Variants in LRBA observed in about 807,000 individuals in gnomAD.
LRBA encodes the protein lipopolysaccharide-responsive and beige-like anchor protein.
Under a neutral mutation model 330.0 loss-of-function variants are expected in LRBA, and 176 were observed. The ratio of observed to expected loss-of-function variants is 0.53; its 90% CI spans 0.47 to 0.60. The LOEUF (loss-of-function observed/expected upper bound fraction) is 0.60, where lower values mean the gene tolerates loss of function less well. LRBA is among the 20% of genes least tolerant of loss of function. The probability of loss-of-function intolerance (pLI) is 0.00; values close to 1 mark genes in which losing one functional copy is unlikely to be tolerated. For synonymous variants in LRBA, 1,230 were observed against 1,193.0 expected, an observed-to-expected ratio of 1.03 and a Z score of -0.64; for missense variants, 3,259 against 3,444.8, an observed-to-expected ratio of 0.95 and a Z score of 1.35.
intron 2 of LRBA, among the ~76,000 whole-genome samples, chr4:150,937,827 T>C (rs547763131): frequency 6.6e-6 from 1 of 152,146 alleles, no homozygotes; most frequent in East Asian, 1.9e-4. Context: ...TTCTCAATAG[T>C]GATACTAATA....
chr4:150,405,665 A>T (rs771426898), intron 47 of LRBA, among the ~76,000 whole-genome samples: 74 of 152,032 alleles, frequency 4.9e-4, no homozygotes, highest in Non-Finnish European at 8.2e-4. Flanking sequence ...TATAAATAAT[A>T]GCACAAATTA....
intron 47 of LRBA, among the ~76,000 whole-genome samples, chr4:150,362,503 A>G (rs1287267886): frequency 6.6e-6 from 1 of 152,132 alleles, no homozygotes; most frequent in Non-Finnish European, 1.5e-5. Context: ...AAAGCAGTGG[A>G]TCTCCAACTT....
In LRBA at chr4:150,960,030, G is replaced by A. The variant is rs1232027318; in HGVS notation, c.217-30965C>T. 5.2e-4 allele frequency among the ~76,000 whole-genome samples: 77 copies of A among 147,614 alleles called. 5 individuals are homozygous for A. The highest frequency in any genetic ancestry group is 7.4e-4 in the African/African-American group (28 of 37,736). On this transcript the variant is annotated intron_variant, in intron 2 of 56. Transcript: ENST00000651943. ...AGCCTCCCAACTAGCTGGGGCTACC[G>A]GTGTGTACCACCATGCCTGGCTTAT... is the stretch of plus-strand genomic sequence containing the variant.
intron 2 of LRBA, among the ~76,000 whole-genome samples, chr4:151,010,797 T>C (rs747113858): frequency 1.3e-5 from 2 of 151,414 alleles, no homozygotes; most frequent in Admixed American, 6.6e-5. Flanking sequence ...GGCACAAGAA[T>C]TGCTTGAATC....
At chr4:150,730,347 C>T (rs1459862333) in intron 36 of LRBA, among the ~76,000 whole-genome samples, 1 of 152,056 alleles carries the variant, frequency 6.6e-6, no homozygotes, top group Non-Finnish European at 1.5e-5. Context: ...TTTGAATAGA[C>T]GTTTCTCAAC....
chr4:150,777,395 T>C (rs1471584108), intron 34 of LRBA, among the ~76,000 whole-genome samples: 1 of 151,754 alleles, frequency 6.6e-6, no homozygotes, highest in African/African-American at 2.4e-5. Context: ...AAAAAAAAAA[T>C]TTTAAACCTG....
At chr4:150,829,664 GGGACACAA>G (rs1309321581) in intron 29 of LRBA, among the ~76,000 whole-genome samples, 1 of 152,122 alleles carries the variant, frequency 6.6e-6, no homozygotes, top group Non-Finnish European at 1.5e-5. Context: ...TTAAGTTGGA[GGGACACAA>G]GGTTCAGTCC....
At chr4:150,646,983 A>G (rs1779204196) in intron 37 of LRBA, among the ~76,000 whole-genome samples, 1 of 152,152 alleles carries the variant, frequency 6.6e-6, no homozygotes, top group African/African-American at 2.4e-5. Context: ...GTGTTTATAT[A>G]AAGCATAGAC....
intron 36 of LRBA, among the ~76,000 whole-genome samples, chr4:150,690,584 T>C (rs551786403): frequency 5.8e-4 from 87 of 148,982 alleles, no homozygotes; most frequent in Non-Finnish European, 1.1e-3. Context: ...CACCATATTA[T>C]AAAACTAGAA....
chr4:150,476,004 T>TTCATGTCATCA (rs1330973213), intron 42 of LRBA, among the ~76,000 whole-genome samples: 6 of 152,166 alleles, frequency 3.9e-5, no homozygotes, highest in African/African-American at 1.4e-4. Context: ...TGTGTCATCT[T>TTCATGTCATCA]TCATGGTTAG....
rs1389787305 is a variant in LRBA, at chr4:150,585,222, TTATAGCAA to T, written c.6330+2818_6330+2825del. On this transcript the variant is annotated intron_variant, in intron 40 of 56. Coordinates refer to ENST00000651943, the MANE Select transcript of LRBA (RefSeq NM_001364905.1). ...TAAACCACAACAAAAAATACAATGGTTATAGCAATAATCCTCTCCCCAAGCATATGGTG... is the reference window on the plus strand; with the variant it reads ...TAAACCACAACAAAAAATACAATGGTTAATCCTCTCCCCAAGCATATGGTG... Among the ~76,000 whole-genome samples the T allele has an allele frequency of 3.9e-5, 6 of 152,250 alleles. No individual in the cohort carries two copies. In the East Asian group the frequency reaches 1.2e-3, roughly 29 times the overall value.
intron 48 of LRBA, among the ~76,000 whole-genome samples, chr4:150,338,599 G>T (rs1261016370): frequency 6.6e-6 from 1 of 152,062 alleles, no homozygotes; most frequent in Non-Finnish European, 1.5e-5. Flanking sequence ...TGCTGTGTTT[G>T]TACTTTTCCT....
At position 150,834,589 on chromosome 4, in the gene LRBA, G is replaced by T. The variant is rs564915722; in HGVS notation, c.4570-2613C>A. 2.3e-4 allele frequency among the ~76,000 whole-genome samples: 35 copies of T among 152,230 alleles called. 1 individual carries two copies. The highest frequency in any genetic ancestry group is 2.1e-3 in the Admixed American group (32 of 15,284). ...AGTAAGCCATGTCGTAAGCAGATGC[G>T]CTCTTATCTAGGCTTTGTCCTTCCT... is the stretch of plus-strand genomic sequence containing the variant. On this transcript the variant is annotated intron_variant, in intron 28 of 56. Coordinates refer to ENST00000651943, the MANE Select transcript of LRBA (RefSeq NM_001364905.1).
chr4:150,769,725 G>A (rs1313045657), intron 34 of LRBA, among the ~76,000 whole-genome samples: 1 of 152,082 alleles, frequency 6.6e-6, no homozygotes, highest in African/African-American at 2.4e-5. Flanking sequence ...AATAACATTT[G>A]ACCAAATATC....
intron 32 of LRBA, among the ~76,000 whole-genome samples, chr4:150,808,075 T>C (rs1272973503): frequency 6.6e-6 from 1 of 152,200 alleles, no homozygotes; most frequent in Non-Finnish European, 1.5e-5. Context: ...TTACCACAAA[T>C]AGTCACTTCT....
chr4:150,275,132 AATCAATAAAAGTAATCC>A (rs1746593750), intron 56 of LRBA, among the ~76,000 whole-genome samples: 1 of 152,208 alleles, frequency 6.6e-6, no homozygotes, highest in Non-Finnish European at 1.5e-5. Context: ...AACATACACA[AATCAATAAAAGTAATCC>A]ATCACATAAA....
intron 37 of LRBA, among the ~76,000 whole-genome samples, chr4:150,621,361 G>A (rs1425873657): frequency 6.6e-6 from 1 of 152,004 alleles, no homozygotes; most frequent in Non-Finnish European, 1.5e-5. Context: ...ACAAATGTTT[G>A]TATATTGTAA....
At chr4:150,627,529 C>G (rs1776977686) in intron 37 of LRBA, among the ~76,000 whole-genome samples, 1 of 151,764 alleles carries the variant, frequency 6.6e-6, no homozygotes, top group Non-Finnish European at 1.5e-5. Flanking sequence ...AATTAGCAAT[C>G]TAAAATACTG....
At chr4:150,645,230 A>G (rs1779018478) in intron 37 of LRBA, among the ~76,000 whole-genome samples, 2 of 151,250 alleles carry the variant, frequency 1.3e-5, no homozygotes, top group South Asian at 4.2e-4. Flanking sequence ...GAAAAAAATA[A>G]CTACTATTAT....
Sources: gnomAD v4.1 joint callset for allele counts (sites outside exome capture counted in the v4.1 genomes callset) on GRCh38, gnomAD v4.1.1 for gene constraint, MANE v1.5 for transcripts, NCBI Gene and HGNC (gene_info 2026-07-23, HGNC 2026-07-21) for gene names.